Variants in RNF20 observed in about 807,000 individuals in gnomAD.
RNF20 encodes the protein ring finger protein 20.
RNF20 carries 84 observed loss-of-function variants against 126.2 expected under a neutral mutation model. The observed-to-expected ratio is 0.67, with a 90% confidence interval of 0.56 to 0.80. The LOEUF is 0.80. Ranked by LOEUF, RNF20 falls within the 30% of genes least tolerant of loss-of-function variation. The pLI, the probability that RNF20 is intolerant of heterozygous loss-of-function variation, is 0.00. For missense variants in RNF20, 869 were observed against 1,188.2 expected, an observed-to-expected ratio of 0.73 and a Z score of 3.95; for synonymous variants, 400 against 414.3, an observed-to-expected ratio of 0.97 and a Z score of 0.42.
intron 6 of RNF20, among the ~76,000 whole-genome samples, chr9:101,545,161 G>A (rs994227532): frequency 2.0e-5 from 3 of 152,330 alleles, no homozygotes; most frequent in South Asian, 4.1e-4. Context: ...TTTGAGGAAT[G>A]TCAATTTTCA....
At chr9:101,544,083 G>T (rs555019208) in intron 5 of RNF20, among the ~76,000 whole-genome samples, 2 of 152,206 alleles carry the variant, frequency 1.3e-5, no homozygotes, top group African/African-American at 4.8e-5. Flanking sequence ...AGAGTATCTG[G>T]TTTCATTTAA....
intron 10 of RNF20, 141 bp downstream of exon 10, chr9:101,550,926 C>G (rs1827434854): frequency 3.9e-6 from 3 of 773,472 alleles, no homozygotes; most frequent in Middle Eastern, 4.8e-4. Context: ...CTGGTAGGTA[C>G]TGGGCATATA....
At chr9:101,547,279 A>G in intron 8 of RNF20, 65 bp downstream of exon 8, 2 of 1,598,760 alleles carry the variant, frequency 1.3e-6, no homozygotes, top group Non-Finnish European at 8.6e-7. Context: ...GGTACTTAGG[A>G]CTGTGTTCAC....
intron 5 of RNF20, 117 bp downstream of exon 5, chr9:101,541,092 T>C: frequency 1.3e-6 from 1 of 744,994 alleles, no homozygotes; most frequent in East Asian, 3.2e-5. Flanking sequence ...TTATTTACTT[T>C]TTAAGAGATA....
At chr9:101,548,574 C>T (rs937792428) in intron 9 of RNF20, among the ~76,000 whole-genome samples, 75 of 152,042 alleles carry the variant, frequency 4.9e-4, no homozygotes, top group African/African-American at 1.7e-3. Flanking sequence ...ACATTGTATA[C>T]CTTAAATATG....
At chr9:101,560,424 C>CA (rs952325043) in intron 16 of RNF20, among the ~76,000 whole-genome samples, 3 of 151,920 alleles carry the variant, frequency 2.0e-5, no homozygotes, top group Non-Finnish European at 4.4e-5. Flanking sequence ...GCATTAATTT[C>CA]AAAAAAGACT....
chr9:101,560,759 TAA>T (rs747609997), intron 16 of RNF20, 40 bp from the exon 17 acceptor site: 2 of 1,563,432 alleles, frequency 1.3e-6, no homozygotes. Flanking sequence ...TTTCTTTTTT[TAA>T]TCTTTTCATT....
chr9:101,561,064 G>C, intron 17 of RNF20, 26 bp from the exon 18 acceptor site: 1 of 1,611,002 alleles, frequency 6.2e-7, no homozygotes, highest in Non-Finnish European at 8.5e-7. Flanking sequence ...ATACAATGGT[G>C]TCACTTATTT....
intron 9 of RNF20, among the ~76,000 whole-genome samples, chr9:101,549,581 A>G (rs1178813532): frequency 6.6e-6 from 1 of 152,088 alleles, no homozygotes; most frequent in Admixed American, 6.5e-5. Flanking sequence ...CTCCCGGGAA[A>G]GGGAGACTCC....
intron 5 of RNF20, among the ~76,000 whole-genome samples, chr9:101,543,031 T>C (rs1827282446): frequency 1.3e-5 from 2 of 152,244 alleles, no homozygotes; most frequent in Admixed American, 1.3e-4. Flanking sequence ...AATACAGTAG[T>C]TTCTACTTCC....
At chr9:101,546,515 T>G (rs191108027) in intron 6 of RNF20, among the ~76,000 whole-genome samples, 1 of 152,242 alleles carries the variant, frequency 6.6e-6, no homozygotes, top group East Asian at 1.9e-4. Context: ...TTACAAAATT[T>G]TTATGAGTTT....
At position 101,562,373 on chromosome 9, in the gene RNF20, G is replaced by A. The variant is rs1437677995; in HGVS notation, c.2879G>A (p.Cys960Tyr). 1 of 1,613,974 alleles carries A rather than the reference G, an allele frequency of 6.2e-7. No individual in the cohort carries two copies. Among genetic ancestry groups the A allele is most frequent in the Non-Finnish European group, 8.5e-7 (1 of 1,179,946 alleles). Residue 960 changes from cysteine to tyrosine, a missense_variant, in exon 20 of 20, where the codon TGT (cysteine) becomes TAT (tyrosine). Physicochemically the swap from Cys to Tyr is radical, Grantham distance 194. Transcript: ENST00000389120. ...YDTRQRKCPKCNAAFGANDFH... is the reference protein window; with the variant it reads ...YDTRQRKCPKYNAAFGANDFH... ...ACCCGCCAGCGCAAATGTCCCAAGTGTAATGCTGCTTTTGGTGCCAATGAT... is the reference window on the plus strand; with the variant it reads ...ACCCGCCAGCGCAAATGTCCCAAGTATAATGCTGCTTTTGGTGCCAATGAT...
At chr9:101,536,834 A>T (rs796233922) in intron 2 of RNF20, among the ~76,000 whole-genome samples, 1 of 152,340 alleles carries the variant, frequency 6.6e-6, no homozygotes, top group African/African-American at 2.4e-5. Flanking sequence ...GTAGGAGACT[A>T]ACATGCTCTG....
intron 2 of RNF20, among the ~76,000 whole-genome samples, chr9:101,538,306 A>G (rs546330823): frequency 6.6e-6 from 1 of 152,322 alleles, no homozygotes; most frequent in East Asian, 1.9e-4. Context: ...ATGGGTATTG[A>G]AATCATTAAG....
chr9:101,536,715 G>C (rs767715376), intron 2 of RNF20, among the ~76,000 whole-genome samples: 18 of 152,160 alleles, frequency 1.2e-4, no homozygotes, highest in Admixed American at 5.2e-4. Context: ...TGTTTAGAGT[G>C]GGGTATGTGC....
chr9:101,547,288 A>G, intron 8 of RNF20, 74 bp downstream of exon 8: 7 of 1,594,670 alleles, frequency 4.4e-6, no homozygotes, highest in Non-Finnish European at 6.0e-6. Flanking sequence ...GACTGTGTTC[A>G]CAAGTGACAT....
intron 15 of RNF20, among the ~76,000 whole-genome samples, chr9:101,555,511 A>G (rs906785249): frequency 6.6e-6 from 1 of 152,134 alleles, no homozygotes; most frequent in African/African-American, 2.4e-5. Context: ...AAAAAACCAT[A>G]TATGTATTCT....
At chr9:101,538,910 T>G (rs1027786134) in intron 2 of RNF20, among the ~76,000 whole-genome samples, 1 of 152,186 alleles carries the variant, frequency 6.6e-6, no homozygotes, top group Non-Finnish European at 1.5e-5. Flanking sequence ...CCTCCCTGGT[T>G]TGTCCTAGGG....
chr9:101,545,101 C>T lies in RNF20; in HGVS notation c.747+216C>T, dbSNP rs1383261871. Among the ~76,000 whole-genome samples, 3 of 152,104 alleles carry T rather than the reference C, an allele frequency of 2.0e-5. No homozygotes were observed. In the East Asian group the frequency reaches 5.8e-4, roughly 29 times the overall value. Reference sequence around the variant, plus strand: ...ATTGAGGAATGGCGTGGTAGAAATTCCACAGGGAATGGGGAAGTAGAAACT... The same window carrying T: ...ATTGAGGAATGGCGTGGTAGAAATTTCACAGGGAATGGGGAAGTAGAAACT... On this transcript the variant is annotated intron_variant, in intron 6 of 19. Transcript: ENST00000389120.
Sources: gnomAD v4.1 joint callset for allele counts (sites outside exome capture counted in the v4.1 genomes callset) on GRCh38, gnomAD v4.1.1 for gene constraint, MANE v1.5 for transcripts, NCBI Gene and HGNC (gene_info 2026-07-23, HGNC 2026-07-21) for gene names.